Variants in TCERG1L observed in about 807,000 individuals in gnomAD.
TCERG1L encodes transcription elongation regulator 1 like, also known as transcription elongation regulator 1-like protein.
TCERG1L carries 37 observed loss-of-function variants against 56.3 expected under a neutral mutation model. The observed-to-expected ratio is 0.66, with a 90% CI of 0.51 to 0.87. TCERG1L has a LOEUF of 0.87. Among genes scored for constraint, TCERG1L ranks in the 40% least tolerant of loss-of-function variants. The pLI, the probability that TCERG1L is intolerant of heterozygous loss-of-function variation, is 0.00. For missense variants in TCERG1L, 799 were observed against 774.2 expected (o/e 1.03, Z -0.38); for synonymous variants, 324 against 326.3 (o/e 0.99, Z 0.08).
At chr10:131,102,759 G>A (rs1029433854) in intron 10 of TCERG1L, among the ~76,000 whole-genome samples, 6 of 152,114 alleles carry the variant, frequency 3.9e-5, no homozygotes, top group Admixed American at 6.5e-5. Flanking sequence ...AGGGAAGTCC[G>A]GACCTTCCAG....
chr10:131,284,658 C>CA (rs74818301), intron 3 of TCERG1L, among the ~76,000 whole-genome samples: 11,240 of 152,044 alleles, frequency 0.074, 522 homozygotes, highest in African/African-American at 0.11. Flanking sequence ...TGAACAAGTA[C>CA]TTTTTTTGAA....
intron 4 of TCERG1L, among the ~76,000 whole-genome samples, chr10:131,188,877 A>T (rs1845276194): frequency 6.6e-6 from 1 of 152,218 alleles, no homozygotes; most frequent in South Asian, 2.1e-4. Flanking sequence ...TTCTTATGCG[A>T]GTTTCCTTAG....
chr10:131,286,028 T>C (rs1846536653), intron 3 of TCERG1L, among the ~76,000 whole-genome samples: 2 of 152,280 alleles, frequency 1.3e-5, no homozygotes, highest in South Asian at 4.1e-4. Flanking sequence ...TTCTAGATAA[T>C]CAATATAAAA....
rs780629059 is a variant in TCERG1L at position 131,163,188 on chromosome 10, C to G, written c.968G>C (p.Gly323Ala). Reference sequence around the variant, plus strand: ...GCCTCTGGCTGTGCTGTCCTCTCCTCCCCCCAGCATCGGTGGAGGCTCCTT... The same window carrying G: ...GCCTCTGGCTGTGCTGTCCTCTCCTGCCCCCAGCATCGGTGGAGGCTCCTT... ...EDKEPPPMLG[G>A]GEDSTARGNR... The change falls in exon 6 of 12, where the codon GGA becomes GCA. Residue 323 changes from glycine (G) to alanine (A), a missense_variant. By Grantham distance (60) the Gly-to-Ala change is moderately conservative. Coordinates refer to ENST00000368642, the MANE Select transcript of TCERG1L (RefSeq NM_174937.4). 1 of 1,558,462 alleles carries G rather than the reference C, an allele frequency of 6.4e-7. No individual in the cohort carries two copies. The highest frequency in any genetic ancestry group is 1.4e-5 in the African/African-American group (1 of 73,658).
At chr10:131,197,705 A>G (rs1488326492) in intron 4 of TCERG1L, among the ~76,000 whole-genome samples, 2 of 152,238 alleles carry the variant, frequency 1.3e-5, no homozygotes, top group Non-Finnish European at 2.9e-5. Flanking sequence ...CACCAGCCAG[A>G]GCCGACCTGA....
chr10:131,175,181 G>C (rs201591156), intron 4 of TCERG1L, among the ~76,000 whole-genome samples: 1 of 131,972 alleles, frequency 7.6e-6, no homozygotes, highest in African/African-American at 2.8e-5. Context: ...GCTTCTGACA[G>C]AGGCCAGCTC....
At chr10:131,184,002 CTTGGGGG>C (rs1170378799) in intron 4 of TCERG1L, among the ~76,000 whole-genome samples, 5 of 152,336 alleles carry the variant, frequency 3.3e-5, no homozygotes, top group Admixed American at 6.5e-5. Flanking sequence ...CAGGGCCAAC[CTTGGGGG>C]TTGCCCTAGA....
chr10:131,098,647 C>T (rs528014355), intron 10 of TCERG1L, among the ~76,000 whole-genome samples: 3 of 152,328 alleles, frequency 2.0e-5, no homozygotes, highest in African/African-American at 7.2e-5. Flanking sequence ...CATTTCTCTA[C>T]ATGCAGGCGC....
chr10:131,146,270 C>T (rs1589727872), intron 7 of TCERG1L, among the ~76,000 whole-genome samples: 2 of 152,162 alleles, frequency 1.3e-5, no homozygotes, highest in East Asian at 1.9e-4. Flanking sequence ...GCCATCTCTG[C>T]GTTAATCACC....
intron 4 of TCERG1L, among the ~76,000 whole-genome samples, chr10:131,169,773 A>G (rs1233646344): frequency 6.6e-6 from 1 of 152,224 alleles, no homozygotes; most frequent in Non-Finnish European, 1.5e-5. Flanking sequence ...TTCTACGAGC[A>G]TGTAAATAAA....
chr10:131,284,812 T>A (rs1364396720), intron 3 of TCERG1L, among the ~76,000 whole-genome samples: 34 of 152,002 alleles, frequency 2.2e-4, no homozygotes, highest in Admixed American at 2.0e-3. Flanking sequence ...AGAAGAAAAA[T>A]ATAGCTTATG....
intron 8 of TCERG1L, among the ~76,000 whole-genome samples, chr10:131,124,936 T>C (rs1329605693): frequency 6.6e-6 from 1 of 152,224 alleles, no homozygotes; most frequent in African/African-American, 2.4e-5. Context: ...GATTTGCTTG[T>C]AAGAATTAAA....
chr10:131,165,927 T>C (rs1205956991), intron 5 of TCERG1L, among the ~76,000 whole-genome samples: 4 of 152,228 alleles, frequency 2.6e-5, no homozygotes, highest in Admixed American at 6.5e-5. Flanking sequence ...AAGGAGTTAT[T>C]TAAGGCACTA....
chr10:131,110,320 T>A (rs1014299446), intron 9 of TCERG1L, among the ~76,000 whole-genome samples: 3 of 152,174 alleles, frequency 2.0e-5, no homozygotes, highest in African/African-American at 7.2e-5. Flanking sequence ...GTCACCTCCC[T>A]CAACTCACAC....
chr10:131,261,369 T>C (rs1234705550), intron 3 of TCERG1L, among the ~76,000 whole-genome samples: 1 of 152,334 alleles, frequency 6.6e-6, no homozygotes, highest in South Asian at 2.1e-4. Context: ...AATTCACTAC[T>C]CTTGATCTGG....
In TCERG1L at chr10:131,093,067, C is replaced by G. The variant is rs551191079; in HGVS notation, c.*95G>C. ...GGTGCCCGCTGGGCCGTGCAGGTCTCGGCCGCCCCACGCCCGTGTCCGTCT... is the reference window on the plus strand; with the variant it reads ...GGTGCCCGCTGGGCCGTGCAGGTCTGGGCCGCCCCACGCCCGTGTCCGTCT... On this transcript the variant is annotated 3_prime_UTR_variant, in exon 12 of 12. Coordinates refer to ENST00000368642, the MANE Select transcript of TCERG1L (RefSeq NM_174937.4). 123 of 1,419,572 alleles carry G rather than the reference C, an allele frequency of 8.7e-5. No individual in the cohort carries two copies. Among genetic ancestry groups the G allele is most frequent in the Non-Finnish European group, 1.1e-4 (119 of 1,047,974 alleles). 87.9% of individuals were successfully genotyped at this position (1,419,572 alleles called of 1,614,324 possible).
In TCERG1L at chr10:131,159,687, C is replaced by T. The variant is rs576641619; in HGVS notation, c.1034+3435G>A. On this transcript the variant is annotated intron_variant, in intron 6 of 11. Coordinates refer to ENST00000368642, the MANE Select transcript of TCERG1L (RefSeq NM_174937.4). The stretch of plus-strand genomic sequence containing the variant: ...GGTGAAATAGGCATAGAGCCACCCC[C>T]CAACCCCACCCCATGGCAGAGAGCT... Among the ~76,000 whole-genome samples, 8 of 116,980 alleles carry T rather than the reference C, an allele frequency of 6.8e-5. No individual in the cohort carries two copies. In the East Asian group the frequency reaches 1.7e-3, roughly 25 times the overall value. The allele number at this position is 116,980 out of a possible 152,430, so 76.7% of individuals were successfully genotyped here.
At chr10:131,129,733 T>C (rs1178560402) in intron 8 of TCERG1L, among the ~76,000 whole-genome samples, 1 of 152,200 alleles carries the variant, frequency 6.6e-6, no homozygotes, top group Non-Finnish European at 1.5e-5. Flanking sequence ...CCTGTTGTAT[T>C]AGTTCATTCT....
chr10:131,231,715 C>T (rs142867734), intron 4 of TCERG1L, among the ~76,000 whole-genome samples: 46 of 152,292 alleles, frequency 3.0e-4, no homozygotes, highest in African/African-American at 1.1e-3. Context: ...ATGAGGCCGG[C>T]ACGTGGGGGG....
Sources: gnomAD v4.1 joint callset for allele counts (sites outside exome capture counted in the v4.1 genomes callset) on GRCh38, gnomAD v4.1.1 for gene constraint, MANE v1.5 for transcripts, NCBI Gene and HGNC (gene_info 2026-07-23, HGNC 2026-07-21) for gene names.